Variants in NAV2 observed in about 807,000 individuals in gnomAD.
NAV2 encodes the protein helicase, APC down-regulated 1.
Under a neutral mutation model 223.2 loss-of-function variants are expected in NAV2, and 54 were observed. The observed-to-expected ratio is 0.24, with a 90% CI of 0.19 to 0.30. The LOEUF (loss-of-function observed/expected upper bound fraction) is 0.30. NAV2 is among the 10% of genes least tolerant of loss of function. The pLI is 1.00. For missense variants in NAV2, 2,806 were observed against 3,147.5 expected (o/e 0.89, Z 2.60); for synonymous variants, 1,279 against 1,239.3 (o/e 1.03, Z -0.67).
chr11:19,747,085 T>C (rs2053427983), intron 1 of NAV2, among the ~76,000 whole-genome samples: 1 of 102,214 alleles, frequency 9.8e-6, no homozygotes, highest in African/African-American at 3.4e-5. Context: ...GACATTCCCC[T>C]TCCTGTGTCC....
At chr11:19,927,713 C>G (rs1021193850) in intron 6 of NAV2, among the ~76,000 whole-genome samples, 3 of 151,466 alleles carry the variant, frequency 2.0e-5, no homozygotes, top group Non-Finnish European at 2.9e-5. Flanking sequence ...CAAAACAAAA[C>G]AAAAAAAACC....
intron 1 of NAV2, chr11:19,504,501 T>C (rs958003905): frequency 1.3e-5 from 2 of 152,232 alleles, no homozygotes; most frequent in Admixed American, 1.3e-4. Flanking sequence ...GGGAGGTTCC[T>C]GTTAGGAGAC....
chr11:19,485,483 A>G (rs960968732), intron 1 of NAV2, among the ~76,000 whole-genome samples: 2 of 152,296 alleles, frequency 1.3e-5, no homozygotes, highest in South Asian at 2.1e-4. Context: ...GGACATTTAA[A>G]GGCCCATCCA....
At chr11:19,767,135 G>A (rs1244513115) in intron 1 of NAV2, among the ~76,000 whole-genome samples, 1 of 152,188 alleles carries the variant, frequency 6.6e-6, no homozygotes, top group Non-Finnish European at 1.5e-5. Context: ...AAAGATACAA[G>A]AATCTCTTCT....
At chr11:19,723,872 C>A (rs2050989843) in intron 1 of NAV2, among the ~76,000 whole-genome samples, 1 of 152,208 alleles carries the variant, frequency 6.6e-6, no homozygotes, top group Non-Finnish European at 1.5e-5. Context: ...CTTTTCAGAC[C>A]TGGGAGTGAC....
chr11:19,939,783 G>T lies in NAV2; in HGVS notation c.2146+10G>T. On this transcript the variant is annotated intron_variant, in intron 8 of 37. Coordinates refer to ENST00000349880, the MANE Select transcript of NAV2 (RefSeq NM_145117.5). ...CTGGAAGAACTCACTGGTGAGTATG[G>T]AGCCTCAGAAATCTGTGTCTGTTGG... The T allele has an allele frequency of 6.2e-7, 1 of 1,604,140 alleles. No individual in the cohort carries two copies. Among genetic ancestry groups the T allele is most frequent in the Non-Finnish European group, 8.5e-7 (1 of 1,171,504 alleles).
chr11:20,070,211 A>G (rs1207562464), intron 22 of NAV2, among the ~76,000 whole-genome samples: 3 of 152,108 alleles, frequency 2.0e-5, no homozygotes, highest in Non-Finnish European at 2.9e-5. Context: ...GGATAACTAG[A>G]TGTGTAGATT....
chr11:19,514,371 C>G, intron 1 of NAV2, among the ~76,000 whole-genome samples: 1 of 152,178 alleles, frequency 6.6e-6, no homozygotes, highest in African/African-American at 2.4e-5. Flanking sequence ...AACACACATT[C>G]TGCAGCTCTT....
chr11:19,385,836 A>ACTG (rs1455257923), intron 1 of NAV2, among the ~76,000 whole-genome samples: 1 of 143,528 alleles, frequency 7.0e-6, no homozygotes. Context: ...ATCTCGGCTC[A>ACTG]CTGCAAGCTC....
intron 1 of NAV2, among the ~76,000 whole-genome samples, chr11:19,624,167 A>T (rs1052020776): frequency 6.6e-6 from 1 of 152,176 alleles, no homozygotes; most frequent in African/African-American, 2.4e-5. Context: ...GTGAGGTGTC[A>T]GTCGGACCCT....
chr11:19,932,127 G>A (rs1297009019), intron 6 of NAV2, among the ~76,000 whole-genome samples: 1 of 149,928 alleles, frequency 6.7e-6, no homozygotes, highest in Non-Finnish European at 1.5e-5. Flanking sequence ...TGAGAAAAGA[G>A]TCTGGCCAGG....
At chr11:20,019,294 A>G (rs1474038937) in intron 11 of NAV2, among the ~76,000 whole-genome samples, 1 of 152,198 alleles carries the variant, frequency 6.6e-6, no homozygotes, top group Non-Finnish European at 1.5e-5. Flanking sequence ...ACTCTAGGCA[A>G]AAGGCCTTCT....
chr11:19,658,229 C>T (rs1385552031), intron 1 of NAV2, among the ~76,000 whole-genome samples: 1 of 152,130 alleles, frequency 6.6e-6, no homozygotes, highest in African/African-American at 2.4e-5. Flanking sequence ...CCTAGGATCA[C>T]ACAGCGAGTA....
chr11:19,430,862 C>A (rs1004302633), intron 1 of NAV2, among the ~76,000 whole-genome samples: 4 of 152,176 alleles, frequency 2.6e-5, no homozygotes, highest in African/African-American at 9.7e-5. Flanking sequence ...AGCCTCTTAC[C>A]CAGGGAGGGT....
At chr11:19,863,715 C>T (rs1252363059) in intron 3 of NAV2, among the ~76,000 whole-genome samples, 1 of 152,220 alleles carries the variant, frequency 6.6e-6, no homozygotes, top group Non-Finnish European at 1.5e-5. Context: ...ACACTCTTCT[C>T]TTTCACAGTA....
At chr11:19,950,449 C>T (rs891309989) in intron 10 of NAV2, among the ~76,000 whole-genome samples, 6 of 152,208 alleles carry the variant, frequency 3.9e-5, no homozygotes, top group Non-Finnish European at 5.9e-5. Context: ...AGGGACAGAG[C>T]GTAATAGTGT....
chr11:19,868,647 T>G (rs1007736062), intron 3 of NAV2, among the ~76,000 whole-genome samples: 1 of 152,186 alleles, frequency 6.6e-6, no homozygotes, highest in African/African-American at 2.4e-5. Context: ...TTTTCAGGAT[T>G]GCACTGGTGG....
intron 5 of NAV2, among the ~76,000 whole-genome samples, chr11:19,881,030 T>C (rs907829863): frequency 2.0e-5 from 3 of 152,140 alleles, no homozygotes; most frequent in African/African-American, 7.2e-5. Context: ...TTCTTTTCAT[T>C]CCCCCAAAGC....
chr11:19,919,096 T>C (rs1020313376), intron 6 of NAV2, among the ~76,000 whole-genome samples: 6 of 152,174 alleles, frequency 3.9e-5, no homozygotes, highest in Non-Finnish European at 7.3e-5. Context: ...ACGTTGTGGT[T>C]ATTTTAGGAT....
Sources: allele counts gnomAD v4.1 joint callset (sites outside exome capture counted in the v4.1 genomes callset), GRCh38; gene constraint gnomAD v4.1.1; transcripts MANE v1.5; gene names NCBI Gene and HGNC (gene_info 2026-07-23, HGNC 2026-07-21).